HEG1: variants seen among roughly 807,000 people sequenced by gnomAD.
HEG1 encodes the protein heart development protein with EGF like domains 1.
A neutral mutation model predicts 125.6 loss-of-function variants in HEG1; 56 were observed. That is an observed-to-expected ratio of 0.45 (90% CI 0.36 to 0.56). HEG1 has a LOEUF of 0.56. Among genes scored for constraint, HEG1 ranks in the 20% least tolerant of loss-of-function variants. HEG1 has a pLI of 0.00. For missense variants in HEG1, 1,523 were observed against 1,670.0 expected (o/e 0.91, Z 1.53); for synonymous variants, 644 against 668.5 (o/e 0.96, Z 0.57).
intron 12 of HEG1, among the ~76,000 whole-genome samples, chr3:124,993,816 G>A (rs535380717): frequency 9.9e-5 from 15 of 152,280 alleles, no homozygotes; most frequent in African/African-American, 3.4e-4. Context: ...TGTCCTGCCC[G>A]CGAGCTGATG....
intron 1 of HEG1, among the ~76,000 whole-genome samples, chr3:125,051,726 A>T (rs1347800606): frequency 1.3e-5 from 2 of 152,230 alleles, no homozygotes; most frequent in Non-Finnish European, 2.9e-5. Flanking sequence ...CATTCATACA[A>T]AAAGGACGCT....
At chr3:125,012,316 A>T (rs1332717016) in intron 6 of HEG1, among the ~76,000 whole-genome samples, 1 of 152,210 alleles carries the variant, frequency 6.6e-6, no homozygotes, top group Non-Finnish European at 1.5e-5. Flanking sequence ...GCATGCTTGA[A>T]AAGCTCTTAC....
At position 125,002,369 on chromosome 3, in the gene HEG1, C is replaced by T. The variant is rs1026559283; in HGVS notation, c.3298-54G>A. 2.0e-6 allele frequency: 3 copies of T among 1,474,262 alleles called. No homozygotes were observed. The African/African-American group carries it at 4.2e-5, about 21-fold the overall frequency. 91.3% of individuals were successfully genotyped at this position (1,474,262 alleles called of 1,614,324 possible). ...CAGTGAGTTAGACAAAAGCCTTGGA[C>T]CTAGAACCAGTTTCCTATTTTCAGG... is the stretch of plus-strand genomic sequence containing the variant. On this transcript the variant is annotated intron_variant, in intron 9 of 16. Coordinates refer to ENST00000311127, the MANE Select transcript of HEG1 (RefSeq NM_020733.2).
intron 4 of HEG1, 109 bp from the exon 5 acceptor site, chr3:125,019,706 GT>G (rs1231767773): frequency 6.3e-6 from 5 of 794,946 alleles, no homozygotes; most frequent in Non-Finnish European, 8.2e-6. Flanking sequence ...AAGGAACCTG[GT>G]ATAGTGTTTA....
chr3:124,987,701 T>C (rs185364384), intron 14 of HEG1, among the ~76,000 whole-genome samples: 31 of 151,420 alleles, frequency 2.0e-4, no homozygotes, highest in African/African-American at 6.3e-4. Flanking sequence ...TTTGTATTTT[T>C]AGTAGAGACA....
At position 125,029,503 on chromosome 3, in the gene HEG1, G is replaced by A; in HGVS notation, c.317-15C>T. ...CCAGGCAGCATCTGAAAGAAGAAGA[G>A]GATGCATCAGGGAGAGTTTGCTGGC... On this transcript the variant is annotated splice_polypyrimidine_tract_variant and intron_variant, in intron 1 of 16. Coordinates refer to ENST00000311127, the MANE Select transcript of HEG1 (RefSeq NM_020733.2). The A allele has an allele frequency of 1.3e-6, 2 of 1,588,086 alleles. No homozygotes were observed. Among genetic ancestry groups the A allele is most frequent in the South Asian group, 1.1e-5 (1 of 89,890 alleles).
At chr3:125,017,680 T>G (rs1301720312) in intron 5 of HEG1, among the ~76,000 whole-genome samples, 1 of 151,996 alleles carries the variant, frequency 6.6e-6, no homozygotes, top group African/African-American at 2.4e-5. Context: ...CTCAGAAGGT[T>G]AAAAATAGAG....
chr3:125,022,396 CGAGAGAGAGA>C (rs10565452), intron 3 of HEG1, among the ~76,000 whole-genome samples: 13 of 142,632 alleles, frequency 9.1e-5, no homozygotes, highest in South Asian at 2.3e-4. Flanking sequence ...ATCACTACAG[CGAGAGAGAGA>C]GAGAGAGAGA....
At chr3:125,024,145 CTA>C (rs1250960729) in intron 3 of HEG1, among the ~76,000 whole-genome samples, 1 of 152,180 alleles carries the variant, frequency 6.6e-6, no homozygotes, top group Non-Finnish European at 1.5e-5. Context: ...TATTGAGAAT[CTA>C]TATAAAATAT....
At position 125,013,736 on chromosome 3, in the gene HEG1, C is replaced by T. The variant is rs765181972; in HGVS notation, c.1843G>A (p.Asp615Asn). The stretch of plus-strand genomic sequence containing the variant: ...GTAGAAGGCTGAGCATATTCCCCGT[C>T]ATAGGATGAGATGTTACTTCTCTCA... ...QTERSNISSY[D>N]GEYAQPSTES... The change falls in exon 6 of 17, where the codon GAC becomes AAC. Residue 615 changes from aspartate to asparagine, a missense_variant. Coordinates refer to ENST00000311127, the MANE Select transcript of HEG1 (RefSeq NM_020733.2). The T allele has an allele frequency of 1.9e-6, 3 of 1,613,990 alleles. No individual in the cohort carries two copies. The Admixed American group carries it at 5.0e-5, about 27-fold the overall frequency.
intron 3 of HEG1, among the ~76,000 whole-genome samples, chr3:125,023,698 C>T (rs1470837354): frequency 6.6e-6 from 1 of 152,184 alleles, no homozygotes; most frequent in Admixed American, 6.5e-5. Context: ...AATCAACAGG[C>T]TGGATTCTTG....
rs1163854078 is a variant in HEG1, at chr3:125,027,265, GA to G, written c.852del (p.Leu285SerfsTer16). 1 of 1,613,022 alleles carries G rather than the reference GA, an allele frequency of 6.2e-7. No individual in the cohort carries two copies. Among genetic ancestry groups the G allele is most frequent in the African/African-American group, 1.3e-5 (1 of 74,926 alleles). Reference sequence around the variant, plus strand: ...GTCCTGTAGAAATGCAGCCAGGAGAGATCTGGTCCTGAGGAATTTCTCTTCC... The same window carrying G: ...GTCCTGTAGAAATGCAGCCAGGAGAGTCTGGTCCTGAGGAATTTCTCTTCC... ...PSRKRNSSGP[D>X]LSWLHFYRTA... On this transcript the variant is annotated frameshift_variant, in exon 3 of 17. Transcript: ENST00000311127. LOFTEE classifies it high-confidence loss of function.
intron 14 of HEG1, among the ~76,000 whole-genome samples, chr3:124,982,343 G>A (rs142935168): frequency 1.1e-4 from 17 of 152,314 alleles, no homozygotes; most frequent in Non-Finnish European, 1.6e-4. Context: ...TTATGATGAC[G>A]TAGAAGTGCA....
intron 1 of HEG1, 24 bp downstream of exon 1, chr3:125,055,551 G>T (rs1173646645): frequency 1.7e-6 from 2 of 1,195,466 alleles, no homozygotes; most frequent in African/African-American, 1.6e-5. Context: ...CTGGCCAGGC[G>T]CCAGGTTCCC....
At chr3:124,981,208 CAACT>C (rs1487288901) in intron 14 of HEG1, among the ~76,000 whole-genome samples, 6 of 149,702 alleles carry the variant, frequency 4.0e-5, no homozygotes, top group Admixed American at 2.7e-4. Flanking sequence ...CCACAGGCAC[CAACT>C]ATCATAAATT....
intron 14 of HEG1, among the ~76,000 whole-genome samples, chr3:124,980,274 TA>T (rs1170893078): frequency 1.3e-5 from 2 of 152,184 alleles, no homozygotes; most frequent in Non-Finnish European, 2.9e-5. Context: ...TTCCCTGCTT[TA>T]AAAAACCCTC....
rs757131077 is a variant in HEG1 at position 125,001,840 on chromosome 3, C to T, written c.3517+12G>A. 6.2e-7 allele frequency: 1 copy of T among 1,610,218 alleles called. No individual in the cohort carries two copies. Among genetic ancestry groups the T allele is most frequent in the Admixed American group, 1.7e-5 (1 of 59,572 alleles). ...ATATGGGTAGGATCCTCCCAGAGGG[C>T]TGCCCTCTTACCTCTAAAGATCCGC... On this transcript the variant is annotated intron_variant, in intron 11 of 16. Coordinates refer to ENST00000311127, the MANE Select transcript of HEG1 (RefSeq NM_020733.2).
intron 11 of HEG1, among the ~76,000 whole-genome samples, chr3:125,000,008 C>A (rs773113274): frequency 1.6e-4 from 24 of 152,132 alleles, no homozygotes; most frequent in Non-Finnish European, 2.5e-4. Context: ...CTGGAAACAC[C>A]CAGATGTCAG....
chr3:124,988,710 A>AG, intron 14 of HEG1, among the ~76,000 whole-genome samples: 1 of 152,296 alleles, frequency 6.6e-6, no homozygotes, highest in African/African-American at 2.4e-5. Context: ...CAAGGTCAAG[A>AG]GATCGGGACC....
Sources: allele counts gnomAD v4.1 joint callset (sites outside exome capture counted in the v4.1 genomes callset), GRCh38; gene constraint gnomAD v4.1.1; transcripts MANE v1.5; gene names NCBI Gene and HGNC (gene_info 2026-07-23, HGNC 2026-07-21).